CHRM5: variants seen among roughly 807,000 people sequenced by gnomAD.
The protein encoded by CHRM5 is muscarinic acetylcholine receptor M5.
In CHRM5, 18 loss-of-function variants were observed where a neutral mutation model predicts 39.0. The ratio of observed to expected loss-of-function variants is 0.46; its 90% CI spans 0.32 to 0.68. The LOEUF is 0.68. Among genes scored for constraint, CHRM5 ranks in the 30% least tolerant of loss-of-function variants. The pLI is 0.04. For missense variants in CHRM5, 515 were observed against 651.1 expected (o/e 0.79, Z 2.28); for synonymous variants, 241 against 246.3 (o/e 0.98, Z 0.20).
rs1041732995 is a variant in CHRM5 at position 33,980,512 on chromosome 15, A to G, written c.-408+11362A>G. Among the ~76,000 whole-genome samples the G allele has an allele frequency of 2.6e-5, 4 of 152,302 alleles. No individual in the cohort carries two copies. In the South Asian group the frequency reaches 8.3e-4, roughly 32 times the overall value. ...TTGTGGGCTGATGGCCATATATGAC[A>G]TGAGCACAAACTACGAATATTAAAT... is the stretch of plus-strand genomic sequence containing the variant. On this transcript the variant is annotated intron_variant, in intron 1 of 2. Transcript: ENST00000383263.
In CHRM5 at chr15:34,064,664, C is replaced by G. The variant is rs1005781896; in HGVS notation, c.*348C>G. The stretch of plus-strand genomic sequence containing the variant: ...CCCTTCTGTAGGAAACAGCAGAGAC[C>G]AGGTGGAAACCTTTTCCTGTGGAAA... On this transcript the variant is annotated 3_prime_UTR_variant, in exon 3 of 3. Coordinates refer to ENST00000383263, the MANE Select transcript of CHRM5 (RefSeq NM_012125.4). The G allele has an allele frequency of 7.7e-6, 2 of 259,470 alleles. No homozygotes were observed. Among genetic ancestry groups the G allele is most frequent in the Admixed American group, 9.9e-5 (2 of 20,132 alleles). 16.1% of individuals were successfully genotyped at this position (259,470 alleles called of 1,614,324 possible). A position where few individuals can be genotyped will look rare whatever the true frequency, so the allele number is the denominator to read the frequency against.
chr15:34,063,244 G>A lies in CHRM5; in HGVS notation c.527G>A (p.Arg176Gln), dbSNP rs773544114. 11 of 1,613,998 alleles carry A rather than the reference G, an allele frequency of 6.8e-6. No homozygotes were observed. Among genetic ancestry groups the A allele is most frequent in the East Asian group, 2.2e-5 (1 of 44,886 alleles). ...TGCTGGCAGTACTTGGTTGGGAAGC[G>A]GACAGTTCCACTGGATGAGTGCCAG... ...ILCWQYLVGK[R>Q]TVPLDECQIQ... Residue 176 changes from arginine to glutamine, a missense_variant, in exon 3 of 3, where the codon CGG becomes CAG. Transcript: ENST00000383263. The surrounding 1 kb of genome is among the most constrained non-coding windows in gnomAD (Gnocchi z 4.1).
At chr15:34,016,520 G>C (rs1365637899) in intron 1 of CHRM5, among the ~76,000 whole-genome samples, 1 of 151,956 alleles carries the variant, frequency 6.6e-6, no homozygotes, top group East Asian at 1.9e-4. Context: ...CCACACTTCA[G>C]TCAAAAGTAT....
At chr15:33,979,427 T>C (rs1313728965) in intron 1 of CHRM5, among the ~76,000 whole-genome samples, 1 of 152,112 alleles carries the variant, frequency 6.6e-6, no homozygotes, top group Non-Finnish European at 1.5e-5. Flanking sequence ...AAGGATCACA[T>C]GAGCCCAGGA....
chr15:33,976,361 T>C (rs1895887091), intron 1 of CHRM5, among the ~76,000 whole-genome samples: 1 of 152,220 alleles, frequency 6.6e-6, no homozygotes, highest in Non-Finnish European at 1.5e-5. Context: ...TAATGTCGCT[T>C]TTTTCTCTAA....
At chr15:33,975,211 A>C (rs952435439) in intron 1 of CHRM5, among the ~76,000 whole-genome samples, 3 of 152,162 alleles carry the variant, frequency 2.0e-5, no homozygotes, top group East Asian at 1.9e-4. Context: ...TGTTTGTTGT[A>C]ATTGTTCTGC....
intron 1 of CHRM5, among the ~76,000 whole-genome samples, chr15:33,969,988 CCCAA>C (rs1895562161): frequency 6.6e-6 from 1 of 151,916 alleles, no homozygotes; most frequent in Admixed American, 6.6e-5. Flanking sequence ...TAGCAGAAAT[CCCAA>C]CCACATTGGT....
At chr15:33,980,132 G>A (rs949122236) in intron 1 of CHRM5, among the ~76,000 whole-genome samples, 1 of 152,166 alleles carries the variant, frequency 6.6e-6, no homozygotes, top group South Asian at 2.1e-4. Flanking sequence ...AGAGCAACTA[G>A]GCACAGAAGA....
chr15:33,978,007 A>T (rs909153577), intron 1 of CHRM5, among the ~76,000 whole-genome samples: 1 of 94,590 alleles, frequency 1.1e-5, no homozygotes, highest in Non-Finnish European at 1.9e-5. Context: ...GAAGAGAGGA[A>T]GGGAGGGAGG....
chr15:34,017,485 T>TG (rs1897973887), intron 1 of CHRM5, among the ~76,000 whole-genome samples: 2 of 24,400 alleles, frequency 8.2e-5, no homozygotes. Context: ...TTTTTTTTTG[T>TG]TTTTTTTTTT....
intron 1 of CHRM5, among the ~76,000 whole-genome samples, chr15:34,029,592 T>C (rs2097935127): frequency 2.7e-5 from 4 of 150,426 alleles, no homozygotes; most frequent in African/African-American, 4.9e-5. Context: ...ATATTCATAG[T>C]ACTACTGACT....
chr15:34,062,554 C>CGA (rs1900371377), intron 2 of CHRM5, 89 bp from the exon 3 acceptor site: 1 of 409,232 alleles, frequency 2.4e-6, no homozygotes, highest in Middle Eastern at 6.3e-4. Context: ...GATTCTGTCT[C>CGA]AAAAAAAAAA....
chr15:34,003,196 C>T, intron 1 of CHRM5: 1 of 1,613,402 alleles, frequency 6.2e-7, no homozygotes, highest in Non-Finnish European at 8.5e-7. Flanking sequence ...CTCTGCATCG[C>T]TGTCATCTTC....
At chr15:34,062,614 C>G in intron 2 of CHRM5, 29 bp from the exon 3 acceptor site, 1 of 986,858 alleles carries the variant, frequency 1.0e-6, no homozygotes, top group African/African-American at 1.6e-5. Context: ...TGCTGGTGTG[C>G]GAAGCTAATG....
intron 2 of CHRM5, among the ~76,000 whole-genome samples, chr15:34,052,168 C>A (rs1487614658): frequency 1.3e-5 from 2 of 152,176 alleles, no homozygotes; most frequent in Non-Finnish European, 2.9e-5. Context: ...TTGGCTTCAT[C>A]CCTGGGATGC....
At chr15:34,050,993 A>G (rs1430949447) in intron 2 of CHRM5, among the ~76,000 whole-genome samples, 1 of 152,242 alleles carries the variant, frequency 6.6e-6, no homozygotes, top group African/African-American at 2.4e-5. Context: ...GTTCTGAATC[A>G]AGTGGACCTG....
chr15:34,043,116 G>A (rs1359238549), intron 1 of CHRM5, among the ~76,000 whole-genome samples: 2 of 151,818 alleles, frequency 1.3e-5, no homozygotes, highest in Non-Finnish European at 2.9e-5. Context: ...GCATGGTGAC[G>A]GGCGCCTGTA....
chr15:34,016,399 G>T (rs527581986), intron 1 of CHRM5, among the ~76,000 whole-genome samples: 9 of 152,188 alleles, frequency 5.9e-5, no homozygotes, highest in African/African-American at 1.7e-4. Context: ...GGCTCGCATG[G>T]GTACTGACCT....
chr15:34,001,211 G>A (rs1038775156), intron 1 of CHRM5, among the ~76,000 whole-genome samples: 2 of 151,696 alleles, frequency 1.3e-5, no homozygotes, highest in East Asian at 1.9e-4. Flanking sequence ...TAGTAGAAAC[G>A]GGGTTTCACT....
Sources: allele counts gnomAD v4.1 joint callset (sites outside exome capture counted in the v4.1 genomes callset), GRCh38; gene constraint gnomAD v4.1.1; non-coding constraint Gnocchi (gnomAD v3.1); transcripts MANE v1.5; gene names NCBI Gene and HGNC (gene_info 2026-07-23, HGNC 2026-07-21).